Variants in FSTL4 observed in about 807,000 individuals in gnomAD.
FSTL4 encodes the protein follistatin-related protein 4.
FSTL4 carries 28 observed loss-of-function variants against 78.2 expected under a neutral mutation model. That is an observed-to-expected ratio of 0.36 (90% CI 0.27 to 0.49). The LOEUF (loss-of-function observed/expected upper bound fraction) is 0.49. FSTL4 is among the 20% of genes least tolerant of loss of function. FSTL4 has a pLI of 0.98. For missense variants in FSTL4, 922 were observed against 1,084.9 expected (o/e 0.85, Z 2.11); for synonymous variants, 422 against 440.5 (o/e 0.96, Z 0.53).
chr5:133,405,101 G>A (rs990036418), intron 3 of FSTL4, among the ~76,000 whole-genome samples: 1 of 152,154 alleles, frequency 6.6e-6, no homozygotes, highest in African/African-American at 2.4e-5. Flanking sequence ...CAGGCCTTGG[G>A]AGCTCCCTGC....
intron 6 of FSTL4, among the ~76,000 whole-genome samples, chr5:133,291,533 C>G (rs990690459): frequency 2.0e-5 from 3 of 152,186 alleles, no homozygotes; most frequent in Admixed American, 1.3e-4. Flanking sequence ...CATCCTGGCT[C>G]TCTACCAAGA....
chr5:133,450,899 A>G (rs1023503167), intron 3 of FSTL4, among the ~76,000 whole-genome samples: 25 of 152,166 alleles, frequency 1.6e-4, no homozygotes, highest in Admixed American at 1.1e-3. Context: ...TACATGCTGG[A>G]CAAGACCCAG....
At chr5:133,600,654 C>T (rs74971777) in intron 2 of FSTL4, among the ~76,000 whole-genome samples, 1 of 152,256 alleles carries the variant, frequency 6.6e-6, no homozygotes, top group East Asian at 1.9e-4. Context: ...TTAACACTTG[C>T]TATAATTGCT....
intron 3 of FSTL4, among the ~76,000 whole-genome samples, chr5:133,529,179 C>T (rs28408233): frequency 0.01 from 1,546 of 152,312 alleles, 26 homozygotes; most frequent in African/African-American, 0.035. Context: ...TTGTGTGAAG[C>T]CACTGAAATC....
chr5:133,590,925 G>A (rs959616509), intron 2 of FSTL4, among the ~76,000 whole-genome samples: 7 of 152,196 alleles, frequency 4.6e-5, no homozygotes, highest in Admixed American at 3.3e-4. Flanking sequence ...CCAGTCTCAA[G>A]CCCTTCTGTA....
chr5:133,683,469 T>C, the FSTL4 span, among the ~76,000 whole-genome samples: 1 of 152,172 alleles, frequency 6.6e-6, no homozygotes, highest in African/African-American at 2.4e-5. Flanking sequence ...CACTCGTTTT[T>C]AATTGAGAAA....
chr5:133,199,133 T>G lies in FSTL4; in HGVS notation c.2491A>C (p.Lys831Gln). 1 of 1,576,550 alleles carries G rather than the reference T, an allele frequency of 6.3e-7. No individual in the cohort carries two copies. Among genetic ancestry groups the G allele is most frequent in the Non-Finnish European group, 8.6e-7 (1 of 1,158,168 alleles). ...NTLRCEVSGIKGGTTVVWVGE... is the reference protein window; with the variant it reads ...NTLRCEVSGIQGGTTVVWVGE... ...ACCCACACCACTGTGGTCCCCCCCT[T>G]TATACCTGACACCTCACACCGCAGC... is the stretch of plus-strand genomic sequence containing the variant. The change falls in exon 16 of 16, where the codon AAG becomes CAG. Residue 831 changes from lysine to glutamine, a missense_variant. Physicochemically the swap from Lys to Gln is moderately conservative, Grantham distance 53 (BLOSUM62 1). Coordinates refer to ENST00000265342, the MANE Select transcript of FSTL4 (RefSeq NM_015082.2). The surrounding 1 kb of genome is among the most constrained non-coding windows in gnomAD (Gnocchi z 4.4).
At chr5:133,271,996 C>A (rs748883774) in intron 6 of FSTL4, among the ~76,000 whole-genome samples, 1 of 152,098 alleles carries the variant, frequency 6.6e-6, no homozygotes, top group East Asian at 1.9e-4. Context: ...GCTTTGGAAT[C>A]GACACTTTCT....
At chr5:133,277,921 G>A (rs1170557046) in intron 6 of FSTL4, among the ~76,000 whole-genome samples, 1 of 152,208 alleles carries the variant, frequency 6.6e-6, no homozygotes, top group Non-Finnish European at 1.5e-5. Context: ...CACGCGACAA[G>A]GGATTTCATC....
At chr5:133,650,478 A>G in the FSTL4 span, among the ~76,000 whole-genome samples, 1 of 152,156 alleles carries the variant, frequency 6.6e-6, no homozygotes, top group South Asian at 2.1e-4. Flanking sequence ...AATTTTTGTG[A>G]AGAGTGAAAA....
At chr5:133,454,707 C>T (rs1038831116) in intron 3 of FSTL4, among the ~76,000 whole-genome samples, 1 of 152,226 alleles carries the variant, frequency 6.6e-6, no homozygotes, top group Admixed American at 6.5e-5. Flanking sequence ...TAAGCCACCA[C>T]CCACATTCTG....
At chr5:133,474,318 G>C (rs945833645) in intron 3 of FSTL4, among the ~76,000 whole-genome samples, 15 of 137,146 alleles carry the variant, frequency 1.1e-4, no homozygotes, top group African/African-American at 4.4e-4. Flanking sequence ...ACGGGAGACA[G>C]GGCCAGGCTC....
the FSTL4 span, among the ~76,000 whole-genome samples, chr5:133,627,344 A>G: frequency 3.1e-3 from 477 of 152,226 alleles, 3 homozygotes; most frequent in African/African-American, 0.011. Flanking sequence ...AGCAGACAAG[A>G]CAATGAGAGC....
chr5:133,571,088 A>T (rs1347300980), intron 2 of FSTL4, among the ~76,000 whole-genome samples: 1 of 152,058 alleles, frequency 6.6e-6, no homozygotes, highest in Admixed American at 6.5e-5. Context: ...CAAGTTAAAA[A>T]GTAGCCTTGA....
the FSTL4 span, among the ~76,000 whole-genome samples, chr5:133,832,975 C>A: frequency 1.3e-5 from 2 of 151,864 alleles, no homozygotes; most frequent in African/African-American, 2.4e-5. Context: ...GTTTTTTTAA[C>A]CATTTTTGAA....
At chr5:133,280,993 A>G (rs1378434642) in intron 6 of FSTL4, among the ~76,000 whole-genome samples, 1 of 152,184 alleles carries the variant, frequency 6.6e-6, no homozygotes, top group Non-Finnish European at 1.5e-5. Context: ...CAAGGGCAGG[A>G]ACCACATCTG....
At chr5:133,210,113 C>A in intron 14 of FSTL4, 78 bp downstream of exon 14, 1 of 761,746 alleles carries the variant, frequency 1.3e-6, no homozygotes, top group Non-Finnish European at 2.3e-6. Flanking sequence ...CCCGGGGAAG[C>A]AGGAGATACT....
the FSTL4 span, among the ~76,000 whole-genome samples, chr5:133,699,282 G>A: frequency 6.6e-6 from 1 of 152,248 alleles, no homozygotes; most frequent in East Asian, 1.9e-4. Flanking sequence ...GCCATTTGGA[G>A]CTGGGAAGCC....
intron 6 of FSTL4, among the ~76,000 whole-genome samples, chr5:133,294,127 C>A (rs1221962883): frequency 6.6e-6 from 1 of 152,154 alleles, no homozygotes; most frequent in Non-Finnish European, 1.5e-5. Context: ...GTGTTACACC[C>A]TCCTCTCAGT....
Sources: allele counts gnomAD v4.1 joint callset (sites outside exome capture counted in the v4.1 genomes callset), GRCh38; gene constraint gnomAD v4.1.1; non-coding constraint Gnocchi (gnomAD v3.1); transcripts MANE v1.5; gene names NCBI Gene and HGNC (gene_info 2026-07-23, HGNC 2026-07-21).